RAI14: variants seen among roughly 807,000 people sequenced by gnomAD.
RAI14 encodes ankycorbin.
Under a neutral mutation model 115.4 loss-of-function variants are expected in RAI14, and 45 were observed. The observed-to-expected ratio is 0.39, with a 90% CI of 0.31 to 0.50. The LOEUF (loss-of-function observed/expected upper bound fraction) is 0.50. RAI14 is among the 20% of genes least tolerant of loss of function. The probability of loss-of-function intolerance (pLI) is 0.85; values close to 1 mark genes in which losing one functional copy is unlikely to be tolerated. For synonymous variants in RAI14, 371 were observed against 415.4 expected, an observed-to-expected ratio of 0.89 and a Z score of 1.30; for missense variants, 939 against 1,131.2, an observed-to-expected ratio of 0.83 and a Z score of 2.44.
chr5:34,738,674 C>T (rs1036618012), intron 2 of RAI14, among the ~76,000 whole-genome samples: 3 of 152,172 alleles, frequency 2.0e-5, no homozygotes, highest in Non-Finnish European at 4.4e-5. Context: ...CAGACATTTT[C>T]CTGGCAGACA....
At chr5:34,796,133 T>A (rs1351555054) in intron 4 of RAI14, 106 bp downstream of exon 4, 1 of 880,934 alleles carries the variant, frequency 1.1e-6, no homozygotes, top group Non-Finnish European at 1.9e-6. Flanking sequence ...TGGTAACTCA[T>A]CCTGTAATTA....
intron 4 of RAI14, 149 bp from the exon 5 acceptor site, chr5:34,803,563 C>CAA: frequency 1.5e-6 from 1 of 651,516 alleles, no homozygotes; most frequent in Non-Finnish European, 2.5e-6. Context: ...TCTCAAAAAA[C>CAA]AAAAAAACAA....
chr5:34,664,215 C>A (rs551630914), intron 1 of RAI14, among the ~76,000 whole-genome samples: 2 of 151,560 alleles, frequency 1.3e-5, no homozygotes, highest in Non-Finnish European at 2.9e-5. Context: ...TTAGGCCAGG[C>A]ACAGTGGCTG....
At chr5:34,704,740 G>A (rs548574146) in intron 2 of RAI14, among the ~76,000 whole-genome samples, 2 of 152,142 alleles carry the variant, frequency 1.3e-5, no homozygotes, top group Non-Finnish European at 2.9e-5. Flanking sequence ...ATCTCATGAA[G>A]GTTTAAATGA....
intron 3 of RAI14, among the ~76,000 whole-genome samples, chr5:34,781,368 A>T (rs1029458460): frequency 1.3e-5 from 2 of 152,154 alleles, no homozygotes; most frequent in African/African-American, 2.4e-5. Flanking sequence ...AGTATAATTT[A>T]AAAAAATAAT....
intron 1 of RAI14, among the ~76,000 whole-genome samples, chr5:34,680,570 A>T (rs1354383039): frequency 2.0e-5 from 3 of 152,202 alleles, no homozygotes; most frequent in Non-Finnish European, 4.4e-5. Context: ...TCTGGAGGAC[A>T]CATTCACACC....
intron 2 of RAI14, among the ~76,000 whole-genome samples, chr5:34,715,627 C>T (rs187329218): frequency 2.6e-5 from 4 of 152,274 alleles, no homozygotes; most frequent in East Asian, 3.9e-4. Context: ...TCCCACCCCT[C>T]GAGTAAAATC....
At chr5:34,773,348 A>G (rs1427000524) in intron 3 of RAI14, among the ~76,000 whole-genome samples, 6 of 152,222 alleles carry the variant, frequency 3.9e-5, no homozygotes, top group African/African-American at 1.4e-4. Context: ...ACATTGGTCT[A>G]GGCAAAGATT....
At chr5:34,781,171 A>G (rs748509528) in intron 3 of RAI14, among the ~76,000 whole-genome samples, 3 of 141,392 alleles carry the variant, frequency 2.1e-5, no homozygotes, top group African/African-American at 5.2e-5. Context: ...GAATCGAACA[A>G]TGAGAACACT....
intron 2 of RAI14, among the ~76,000 whole-genome samples, chr5:34,732,111 A>G (rs1744266932): frequency 6.6e-6 from 1 of 152,198 alleles, no homozygotes. Context: ...CAAGTCCAAC[A>G]TGGGATCAGC....
chr5:34,777,313 A>G (rs1200571596), intron 3 of RAI14, among the ~76,000 whole-genome samples: 5 of 152,242 alleles, frequency 3.3e-5, no homozygotes, highest in Admixed American at 2.6e-4. Flanking sequence ...ATGTGGTACC[A>G]TATACACAAT....
At chr5:34,703,873 A>G (rs1472068251) in intron 2 of RAI14, among the ~76,000 whole-genome samples, 1 of 152,218 alleles carries the variant, frequency 6.6e-6, no homozygotes, top group African/African-American at 2.4e-5. Flanking sequence ...TGCCCTAAAG[A>G]ACAAGCTCCT....
chr5:34,765,118 G>A (rs1275006609), intron 3 of RAI14, among the ~76,000 whole-genome samples: 2 of 152,214 alleles, frequency 1.3e-5, no homozygotes, highest in African/African-American at 2.4e-5. Flanking sequence ...CCCCAGCCAT[G>A]TGGAACTGTA....
chr5:34,721,298 T>C (rs1416438762), intron 2 of RAI14, among the ~76,000 whole-genome samples: 13 of 65,084 alleles, frequency 2.0e-4, no homozygotes, highest in African/African-American at 8.0e-4. Context: ...TGTGTATATA[T>C]ATATATATAT....
intron 2 of RAI14, among the ~76,000 whole-genome samples, chr5:34,755,818 T>A (rs1319227965): frequency 1.3e-5 from 2 of 152,202 alleles, no homozygotes; most frequent in Admixed American, 1.3e-4. Context: ...GGGAATTTTA[T>A]ATAATAAGAA....
intron 2 of RAI14, among the ~76,000 whole-genome samples, chr5:34,706,414 C>G (rs1045971678): frequency 1.3e-5 from 2 of 152,100 alleles, no homozygotes; most frequent in Non-Finnish European, 2.9e-5. Context: ...AATAGAATGT[C>G]ACTTAAGGAT....
chr5:34,730,270 A>T (rs1341221427), intron 2 of RAI14, among the ~76,000 whole-genome samples: 1 of 152,248 alleles, frequency 6.6e-6, no homozygotes, highest in Non-Finnish European at 1.5e-5. Context: ...CAAATGTAGT[A>T]CTAGCCATGT....
chr5:34,765,626 G>T (rs752945153), intron 3 of RAI14, among the ~76,000 whole-genome samples: 5 of 152,218 alleles, frequency 3.3e-5, no homozygotes, highest in Non-Finnish European at 5.9e-5. Context: ...AAGGCATTCA[G>T]TTTTATAAGG....
intron 2 of RAI14, among the ~76,000 whole-genome samples, chr5:34,693,140 A>T (rs777546998): frequency 6.6e-6 from 1 of 152,162 alleles, no homozygotes; most frequent in African/African-American, 2.4e-5. Flanking sequence ...TTTTAGCTTG[A>T]TTACCTCTGT....
Sources: allele counts gnomAD v4.1 joint callset (sites outside exome capture counted in the v4.1 genomes callset), GRCh38; gene constraint gnomAD v4.1.1; transcripts MANE v1.5; gene names NCBI Gene and HGNC (gene_info 2026-07-23, HGNC 2026-07-21).